The following PHKB variants were observed in gnomAD, a reference collection of about 807,000 sequenced individuals.
PHKB encodes the protein phosphorylase kinase regulatory subunit beta.
PHKB carries 122 observed loss-of-function variants against 152.1 expected under a neutral mutation model. The observed-to-expected ratio is 0.80, with a 90% CI of 0.69 to 0.93. The LOEUF is 0.93. Among genes scored for constraint, PHKB ranks in the 40% least tolerant of loss-of-function variants. PHKB has a pLI of 0.00. For missense variants in PHKB, 1,304 were observed against 1,328.4 expected, an observed-to-expected ratio of 0.98 and a Z score of 0.29; for synonymous variants, 436 against 464.9, an observed-to-expected ratio of 0.94 and a Z score of 0.80.
At chr16:47,468,865 A>G (rs548915344) in intron 1 of PHKB, among the ~76,000 whole-genome samples, 26 of 152,034 alleles carry the variant, frequency 1.7e-4, no homozygotes, top group Non-Finnish European at 5.9e-5. Context: ...TCTAATAGCT[A>G]TTTTATCTGC....
chr16:47,522,961 AT>A (rs375826369), intron 6 of PHKB, among the ~76,000 whole-genome samples: 1,399 of 122,488 alleles, frequency 0.011, 20 homozygotes, highest in South Asian at 0.044. Context: ...TTTCAAGTCA[AT>A]TTTTTTTTTT....
chr16:47,671,628 TG>T (rs1973639825), intron 26 of PHKB, among the ~76,000 whole-genome samples: 3 of 152,212 alleles, frequency 2.0e-5, no homozygotes, highest in African/African-American at 7.2e-5. Flanking sequence ...CAAAATCACA[TG>T]TGAAAAATGC....
chr16:47,500,577 A>G (rs1398490451), intron 3 of PHKB, among the ~76,000 whole-genome samples: 1 of 152,086 alleles, frequency 6.6e-6, no homozygotes, highest in Non-Finnish European at 1.5e-5. Flanking sequence ...AAATGATGCA[A>G]CTCATTAATG....
intron 14 of PHKB, among the ~76,000 whole-genome samples, chr16:47,637,058 A>T (rs1417208674): frequency 1.3e-5 from 2 of 152,050 alleles, no homozygotes; most frequent in Admixed American, 1.3e-4. Context: ...AGAGTTACCC[A>T]CTTCAGGTCT....
intron 14 of PHKB, among the ~76,000 whole-genome samples, chr16:47,634,738 G>A (rs887903146): frequency 6.6e-6 from 1 of 152,190 alleles, no homozygotes; most frequent in African/African-American, 2.4e-5. Flanking sequence ...ATGTTCAAGG[G>A]ACAGAGAGGA....
Position 47,663,730 on chromosome 16 carries a change from C to G in PHKB, c.2332C>G (p.Leu778Val), listed in dbSNP as rs1379357043. 8.1e-6 allele frequency: 13 copies of G among 1,600,940 alleles called. No individual in the cohort carries two copies. The highest frequency in any genetic ancestry group is 1.1e-5 in the South Asian group (1 of 90,832). Residue 778 changes from leucine (L) to valine (V), a missense_variant, in exon 24 of 31, where the codon CTT becomes GTT. Transcript: ENST00000323584. ...CTATAGAAGAGCTGGCAGCCAAAAACTTTGGTTTGTATTAGTGTCCTTGTT... is the reference window on the plus strand; with the variant it reads ...CTATAGAAGAGCTGGCAGCCAAAAAGTTTGGTTTGTATTAGTGTCCTTGTT... Reference protein sequence around the residue: ...RVYRRAGSQKLWLAVRYGAAF... With the variant: ...RVYRRAGSQKVWLAVRYGAAF...
At chr16:47,600,822 A>G (rs1034444661) in intron 13 of PHKB, among the ~76,000 whole-genome samples, 2 of 152,236 alleles carry the variant, frequency 1.3e-5, no homozygotes, top group Non-Finnish European at 2.9e-5. Context: ...ATCTTTATGC[A>G]TCATCACATG....
intron 6 of PHKB, among the ~76,000 whole-genome samples, chr16:47,546,299 C>T (rs565134450): frequency 4.6e-5 from 7 of 152,242 alleles, no homozygotes; most frequent in African/African-American, 1.2e-4. Context: ...TCGTTGATGT[C>T]GATGCTATTC....
At chr16:47,585,947 C>A (rs578002426) in intron 8 of PHKB, among the ~76,000 whole-genome samples, 1 of 152,252 alleles carries the variant, frequency 6.6e-6, no homozygotes, top group African/African-American at 2.4e-5. Flanking sequence ...TTTATTAATT[C>A]TTGGCCTAAA....
chr16:47,584,010 C>T (rs533590082), intron 8 of PHKB, among the ~76,000 whole-genome samples: 6 of 151,668 alleles, frequency 4.0e-5, no homozygotes, highest in African/African-American at 1.2e-4. Context: ...GATTATTATG[C>T]GTTCCTATAC....
At chr16:47,489,177 G>A (rs1383255927) in intron 1 of PHKB, among the ~76,000 whole-genome samples, 7 of 152,062 alleles carry the variant, frequency 4.6e-5, no homozygotes, top group East Asian at 1.9e-4. Flanking sequence ...TCAGCCTCCC[G>A]AGTATCTGGG....
chr16:47,635,513 A>G (rs970635481), intron 14 of PHKB, among the ~76,000 whole-genome samples: 4 of 152,196 alleles, frequency 2.6e-5, no homozygotes, highest in African/African-American at 7.2e-5. Context: ...AGAGCAAATG[A>G]GCTCATAATA....
At chr16:47,597,636 G>T (rs919487212) in intron 13 of PHKB, among the ~76,000 whole-genome samples, 5 of 150,920 alleles carry the variant, frequency 3.3e-5, no homozygotes, top group African/African-American at 4.9e-5. Flanking sequence ...TTTCCAAAGC[G>T]GGGGGGAAAG....
chr16:47,650,422 A>G, intron 18 of PHKB, 122 bp from the exon 19 acceptor site: 2 of 709,004 alleles, frequency 2.8e-6, no homozygotes, highest in East Asian at 5.3e-5. Flanking sequence ...TAAGTTATTC[A>G]GGGTTGGATT....
intron 16 of PHKB, among the ~76,000 whole-genome samples, chr16:47,647,927 A>C (rs564252105): frequency 3.3e-5 from 5 of 152,172 alleles, no homozygotes; most frequent in Admixed American, 3.3e-4. Context: ...ATATTTATTG[A>C]TGTACTTTTA....
rs367636608 is a variant in PHKB at position 47,696,531 on chromosome 16, T to G, written c.3003+43T>G. ...AAGATTGCTGAATAAATGCCTTCTC[T>G]CTGCTCCGTGAAAACTAGTATAAGG... On this transcript the variant is annotated intron_variant, in intron 29 of 30. Coordinates refer to ENST00000323584, the MANE Select transcript of PHKB (RefSeq NM_000293.3). The G allele has an allele frequency of 2.6e-5, 28 of 1,078,302 alleles. No individual in the cohort carries two copies. The African/African-American group carries it at 3.3e-4, about 13-fold the overall frequency. The allele number at this position is 1,078,302 out of a possible 1,614,324, so 66.8% of individuals were successfully genotyped here. A position where few individuals can be genotyped will look rare whatever the true frequency, so the allele number is the denominator to read the frequency against.
intron 14 of PHKB, 103 bp from the exon 15 acceptor site, chr16:47,640,932 A>G: frequency 9.1e-7 from 1 of 1,101,588 alleles, no homozygotes; most frequent in South Asian, 1.2e-5. Context: ...CATCATTTTA[A>G]TGAACTGCTT....
At chr16:47,655,206 T>G (rs984662289) in intron 20 of PHKB, among the ~76,000 whole-genome samples, 4 of 152,002 alleles carry the variant, frequency 2.6e-5, no homozygotes, top group Non-Finnish European at 5.9e-5. Context: ...AACAATAAAT[T>G]AATGGTGGAT....
At chr16:47,469,168 G>C (rs1448268278) in intron 1 of PHKB, among the ~76,000 whole-genome samples, 1 of 152,112 alleles carries the variant, frequency 6.6e-6, no homozygotes, top group African/African-American at 2.4e-5. Context: ...AGAGTGCCTG[G>C]AACATAAAAA....
Sources: gnomAD v4.1 joint callset for allele counts (sites outside exome capture counted in the v4.1 genomes callset) on GRCh38, gnomAD v4.1.1 for gene constraint, MANE v1.5 for transcripts, NCBI Gene and HGNC (gene_info 2026-07-23, HGNC 2026-07-21) for gene names.